Variants in ZMAT3 observed in about 807,000 individuals in gnomAD.
The protein encoded by ZMAT3 is zinc finger matrin-type 3.
In ZMAT3, 17 loss-of-function variants were observed where a neutral mutation model predicts 32.3. The observed-to-expected ratio is 0.53, with a 90% CI of 0.36 to 0.79. The LOEUF (loss-of-function observed/expected upper bound fraction) is 0.79, where lower values mean the gene tolerates loss of function less well. ZMAT3 is among the 30% of genes least tolerant of loss of function. ZMAT3 has a pLI of 0.00. For synonymous variants in ZMAT3, 120 were observed against 133.1 expected, an observed-to-expected ratio of 0.90 and a Z score of 0.68; for missense variants, 329 against 359.7, an observed-to-expected ratio of 0.91 and a Z score of 0.69.
chr3:179,044,575 C>T (rs1408464208), intron 2 of ZMAT3, among the ~76,000 whole-genome samples: 6 of 151,970 alleles, frequency 3.9e-5, no homozygotes, highest in Admixed American at 2.0e-4. Context: ...ACCCAGGAGG[C>T]GGAGCTTGCA....
intron 1 of ZMAT3, chr3:179,071,355 G>A (rs1721701790): frequency 6.6e-6 from 1 of 152,316 alleles, no homozygotes; most frequent in Non-Finnish European, 1.5e-5. Flanking sequence ...CCATCACGAA[G>A]GATGGAATCC....
At chr3:179,066,817 A>G (rs946019555) in intron 2 of ZMAT3, among the ~76,000 whole-genome samples, 1 of 152,212 alleles carries the variant, frequency 6.6e-6, no homozygotes, top group African/African-American at 2.4e-5. Context: ...TCCACTAGCT[A>G]TTCAACATGG....
At chr3:179,041,370 A>AC (rs1719918026) in intron 2 of ZMAT3, among the ~76,000 whole-genome samples, 1 of 152,248 alleles carries the variant, frequency 6.6e-6, no homozygotes, top group Non-Finnish European at 1.5e-5. Context: ...AACAGAAATC[A>AC]CAACAAACTG....
intron 2 of ZMAT3, among the ~76,000 whole-genome samples, chr3:179,054,866 G>A (rs1310965727): frequency 1.3e-5 from 2 of 152,178 alleles, no homozygotes; most frequent in Admixed American, 6.5e-5. Flanking sequence ...GTTCCCACAC[G>A]GCTAAGTGCC....
intron 2 of ZMAT3, among the ~76,000 whole-genome samples, chr3:179,065,338 G>A (rs1348307175): frequency 6.6e-6 from 1 of 152,072 alleles, no homozygotes; most frequent in African/African-American, 2.4e-5. Flanking sequence ...TATCACTGAG[G>A]AAACTGAAAT....
chr3:179,032,989 C>A (rs555969835), intron 2 of ZMAT3, among the ~76,000 whole-genome samples: 2 of 152,330 alleles, frequency 1.3e-5, no homozygotes, highest in African/African-American at 2.4e-5. Flanking sequence ...GGGAGGTGTA[C>A]CCAACAGCTC....
Sources: gnomAD v4.1 joint callset for allele counts (sites outside exome capture counted in the v4.1 genomes callset) on GRCh38, gnomAD v4.1.1 for gene constraint, MANE v1.5 for transcripts, NCBI Gene and HGNC (gene_info 2026-07-23, HGNC 2026-07-21) for gene names.